EYS: variants seen among roughly 807,000 people sequenced by gnomAD.
The protein encoded by EYS is EGF-like photoreceptor maintenance factor, also known as protein eyes shut homolog.
Under a neutral mutation model 282.1 loss-of-function variants are expected in EYS, and 250 were observed. That is an observed-to-expected ratio of 0.89 (90% CI 0.80 to 0.98). The LOEUF (loss-of-function observed/expected upper bound fraction) is 0.98, where lower values mean the gene tolerates loss of function less well. Ranked by LOEUF, EYS falls within the 50% of genes least tolerant of loss-of-function variation. The pLI is 0.00. For missense variants in EYS, 4,016 were observed against 3,709.0 expected (o/e 1.08, Z -2.15); for synonymous variants, 1,355 against 1,282.9 (o/e 1.06, Z -1.20).
chr6:65,009,614 A>G (rs1422103077), intron 13 of EYS, among the ~76,000 whole-genome samples: 3 of 152,174 alleles, frequency 2.0e-5, no homozygotes, highest in Non-Finnish European at 4.4e-5. Flanking sequence ...TCTATTAGGC[A>G]TTAGCCCAAG....
chr6:63,859,214 G>T (rs544343907), intron 36 of EYS, among the ~76,000 whole-genome samples: 132 of 147,978 alleles, frequency 8.9e-4, no homozygotes, highest in African/African-American at 3.3e-3. Context: ...AAAAACAAAA[G>T]CATTTTCTAT....
intron 8 of EYS, among the ~76,000 whole-genome samples, chr6:65,380,667 C>G (rs113305005): frequency 8.5e-5 from 13 of 152,174 alleles, no homozygotes; most frequent in African/African-American, 2.9e-4. Context: ...AAGAAACTGT[C>G]CTCAGAGTGA....
chr6:65,287,639 A>G (rs1421448519), intron 12 of EYS, among the ~76,000 whole-genome samples: 1 of 151,398 alleles, frequency 6.6e-6, no homozygotes, highest in African/African-American at 2.4e-5. Context: ...ATTCTGAAAA[A>G]AAACGAAACA....
intron 41 of EYS, among the ~76,000 whole-genome samples, chr6:63,732,526 TA>T (rs1458330235): frequency 4.0e-4 from 61 of 152,264 alleles, no homozygotes; most frequent in African/African-American, 1.4e-3. Flanking sequence ...TAGATTAAAA[TA>T]AAGTCAAGAG....
At chr6:65,617,720 A>C (rs1174795222) in intron 2 of EYS, among the ~76,000 whole-genome samples, 2 of 99,888 alleles carry the variant, frequency 2.0e-5, no homozygotes, top group South Asian at 3.7e-4. Flanking sequence ...ACCCCACCAC[A>C]ATCCCCAGAG....
chr6:64,999,558 A>C (rs1771392611), intron 13 of EYS, among the ~76,000 whole-genome samples: 1 of 152,136 alleles, frequency 6.6e-6, no homozygotes, highest in South Asian at 2.1e-4. Flanking sequence ...TTTATGCCAG[A>C]ATGTTGCATT....
At chr6:63,781,182 T>G (rs1369988647) in intron 39 of EYS, among the ~76,000 whole-genome samples, 4 of 152,366 alleles carry the variant, frequency 2.6e-5, no homozygotes, top group Admixed American at 2.0e-4. Context: ...TCACGTAGCG[T>G]GATGCCTCCA....
At chr6:64,235,041 C>T (rs906608583) in intron 30 of EYS, among the ~76,000 whole-genome samples, 5 of 151,446 alleles carry the variant, frequency 3.3e-5, no homozygotes, top group African/African-American at 7.3e-5. Flanking sequence ...CCACACCCGG[C>T]TAATTTTTAT....
chr6:64,920,205 G>A (rs369995250), intron 15 of EYS, among the ~76,000 whole-genome samples: 55 of 151,938 alleles, frequency 3.6e-4, no homozygotes, highest in African/African-American at 1.3e-3. Context: ...GTTGAAAGAT[G>A]AATCTTTCAA....
At chr6:64,200,299 A>G (rs1305872743) in intron 31 of EYS, among the ~76,000 whole-genome samples, 2 of 152,034 alleles carry the variant, frequency 1.3e-5, no homozygotes, top group East Asian at 3.8e-4. Flanking sequence ...GAACTTTACA[A>G]CATAGAGTGA....
intron 26 of EYS, among the ~76,000 whole-genome samples, chr6:64,506,090 TA>T (rs1456157349): frequency 6.6e-6 from 1 of 152,196 alleles, no homozygotes; most frequent in Non-Finnish European, 1.5e-5. Flanking sequence ...AGACAGAAAT[TA>T]TTCTTTCATA....
At chr6:65,658,610 T>C (rs1399163072) in intron 1 of EYS, among the ~76,000 whole-genome samples, 3 of 151,752 alleles carry the variant, frequency 2.0e-5, no homozygotes, top group Admixed American at 6.6e-5. Flanking sequence ...AGATATTCAG[T>C]ATATTTCAAA....
intron 2 of EYS, among the ~76,000 whole-genome samples, chr6:65,544,001 A>AGAGTGTGTGTGT (rs1554208982): frequency 1.4e-5 from 2 of 145,084 alleles, no homozygotes; most frequent in South Asian, 4.5e-4. Context: ...AAAAAGAGAA[A>AGAGTGTGTGTGT]GTGTGTGTGT....
intron 2 of EYS, among the ~76,000 whole-genome samples, chr6:65,558,850 G>T (rs1001586520): frequency 6.6e-6 from 1 of 152,100 alleles, no homozygotes; most frequent in Non-Finnish European, 1.5e-5. Flanking sequence ...ACACTGTTTT[G>T]CTCCGTAACT....
intron 26 of EYS, among the ~76,000 whole-genome samples, chr6:64,471,668 T>A (rs751257813): frequency 3.3e-5 from 5 of 152,110 alleles, no homozygotes; most frequent in Non-Finnish European, 7.4e-5. Flanking sequence ...CTAAAAGCAA[T>A]CTACAAAGCC....
chr6:64,395,847 C>A (rs536022790), intron 28 of EYS, among the ~76,000 whole-genome samples: 2 of 151,840 alleles, frequency 1.3e-5, no homozygotes, highest in East Asian at 3.9e-4. Context: ...AAGACACCTA[C>A]ATAGCATCCA....
chr6:64,360,535 A>G (rs772824428), intron 29 of EYS, among the ~76,000 whole-genome samples: 1 of 151,764 alleles, frequency 6.6e-6, no homozygotes, highest in Non-Finnish European at 1.5e-5. Flanking sequence ...AGGGAGAGGT[A>G]GTCCTTGTTA....
rs772856697 is a variant in EYS at position 64,590,450 on chromosome 6, G to A, written c.5417C>T (p.Thr1806Met). ...CCTAATTACAGACATGGAGGAAGAC[G>A]TCTGTATTGAAAGTGCTGGAGTTGC... ...VSATPALSIQ[T>M]SSSMSVIRPD... Residue 1806 changes from threonine (T) to methionine (M), a missense_variant, in exon 26 of 43, where the codon ACG becomes ATG. Transcript: ENST00000503581. 24 of 1,551,172 alleles carry A rather than the reference G, an allele frequency of 1.5e-5. No homozygotes were observed. Among genetic ancestry groups the A allele is most frequent in the Middle Eastern group, 1.7e-4 (1 of 6,014 alleles).
At chr6:64,829,388 C>T (rs1399122613) in intron 19 of EYS, among the ~76,000 whole-genome samples, 2 of 151,940 alleles carry the variant, frequency 1.3e-5, no homozygotes, top group East Asian at 3.9e-4. Flanking sequence ...CTGCTTCCCT[C>T]AGATATCCAA....
Sources: gnomAD v4.1 joint callset for allele counts (sites outside exome capture counted in the v4.1 genomes callset) on GRCh38, gnomAD v4.1.1 for gene constraint, MANE v1.5 for transcripts, NCBI Gene and HGNC (gene_info 2026-07-23, HGNC 2026-07-21) for gene names.